CCDC18: variants seen among roughly 807,000 people sequenced by gnomAD.
CCDC18 encodes coiled-coil domain-containing protein 18.
Under a neutral mutation model 196.0 loss-of-function variants are expected in CCDC18, and 157 were observed. That is an observed-to-expected ratio of 0.80 (90% CI 0.70 to 0.91). CCDC18 has a LOEUF of 0.91. Among genes scored for constraint, CCDC18 ranks in the 40% least tolerant of loss-of-function variants. CCDC18 has a pLI of 0.00. For missense variants in CCDC18, 1,465 were observed against 1,611.6 expected, an observed-to-expected ratio of 0.91 and a Z score of 1.56; for synonymous variants, 482 against 529.2, an observed-to-expected ratio of 0.91 and a Z score of 1.22.
chr1:93,270,364 A>AT lies in CCDC18; in HGVS notation c.3905dup (p.Leu1302PhefsTer9), dbSNP rs1313161280. On this transcript the variant is annotated frameshift_variant, in exon 28 of 29. Transcript: ENST00000690025. LOFTEE classifies it high-confidence loss of function. ...ATCTGCAGGAATCAGAATTAACCAG[A>AT]TTACAGGCCAAAATTTCTGGACATG... is the stretch of plus-strand genomic sequence containing the variant. 1.2e-5 allele frequency: 18 copies of AT among 1,548,176 alleles called. No homozygotes were observed. Among genetic ancestry groups the AT allele is most frequent in the Non-Finnish European group, 1.5e-5 (17 of 1,145,432 alleles).
At chr1:93,206,085 C>A (rs575265154) in intron 8 of CCDC18, among the ~76,000 whole-genome samples, 1 of 151,744 alleles carries the variant, frequency 6.6e-6, no homozygotes, top group East Asian at 1.9e-4. Context: ...GACTCCAATG[C>A]TCTCTTTTAG....
At chr1:93,203,568 AAATT>A (rs1654207746) in intron 7 of CCDC18, among the ~76,000 whole-genome samples, 1 of 152,208 alleles carries the variant, frequency 6.6e-6, no homozygotes, top group Admixed American at 6.5e-5. Flanking sequence ...TGATTTAAAA[AAATT>A]AGAGAATCAG....
At chr1:93,233,178 T>A (rs1049213215) in intron 18 of CCDC18, among the ~76,000 whole-genome samples, 2 of 152,170 alleles carry the variant, frequency 1.3e-5, no homozygotes, top group Admixed American at 6.5e-5. Context: ...CTATAATTTT[T>A]CCTTTTTGGA....
intron 16 of CCDC18, among the ~76,000 whole-genome samples, chr1:93,223,898 T>C (rs1382029117): frequency 3.6e-5 from 3 of 82,604 alleles, no homozygotes; most frequent in African/African-American, 1.1e-4. Flanking sequence ...TTCATTTATT[T>C]ATACACACAC....
chr1:93,273,664 T>C (rs528796029), intron 28 of CCDC18: 1 of 152,312 alleles, frequency 6.6e-6, no homozygotes, highest in East Asian at 1.9e-4. Flanking sequence ...CCATCACAAA[T>C]TTCTAGAATG....
chr1:93,267,181 C>T (rs1156887203), intron 27 of CCDC18, among the ~76,000 whole-genome samples: 2 of 152,114 alleles, frequency 1.3e-5, no homozygotes, highest in Non-Finnish European at 2.9e-5. Flanking sequence ...TGAACCAAAC[C>T]AAAGACAAAA....
intron 6 of CCDC18, among the ~76,000 whole-genome samples, chr1:93,200,176 C>T (rs1160779138): frequency 1.3e-5 from 2 of 152,044 alleles, no homozygotes; most frequent in South Asian, 2.1e-4. Flanking sequence ...GATCTCACTA[C>T]GTTTCCCAGG....
At chr1:93,264,650 TTTCC>T (rs757404383) in intron 26 of CCDC18, 47 bp from the exon 27 acceptor site, 24 of 1,120,268 alleles carry the variant, frequency 2.1e-5, no homozygotes, top group African/African-American at 3.1e-5. Flanking sequence ...TCGAATCCAG[TTTCC>T]TTCCATTTTT....
intron 7 of CCDC18, among the ~76,000 whole-genome samples, chr1:93,202,596 T>C (rs1654017560): frequency 6.6e-6 from 1 of 152,108 alleles, no homozygotes; most frequent in Non-Finnish European, 1.5e-5. Context: ...GAGATAGCAA[T>C]GAAAGCAGAG....
upstream of CCDC18, chr1:93,180,065 T>C (rs765790133): frequency 6.8e-6 from 11 of 1,612,852 alleles, no homozygotes; most frequent in South Asian, 1.1e-4. Flanking sequence ...TGGTACTCGA[T>C]CTCCAGCGAG....
intron 28 of CCDC18, chr1:93,273,678 T>C (rs1665480237): frequency 6.6e-6 from 1 of 152,200 alleles, no homozygotes; most frequent in Admixed American, 6.5e-5. Context: ...TAGAATGTTC[T>C]GTAGAGGATG....
chr1:93,223,198 G>T (rs994889500), intron 16 of CCDC18, among the ~76,000 whole-genome samples: 3 of 152,160 alleles, frequency 2.0e-5, no homozygotes, highest in Non-Finnish European at 4.4e-5. Flanking sequence ...CAGTCATCTG[G>T]TGAGGTATTT....
chr1:93,210,124 A>G (rs1013822980), intron 9 of CCDC18, among the ~76,000 whole-genome samples: 5 of 152,186 alleles, frequency 3.3e-5, no homozygotes, highest in East Asian at 1.9e-4. Context: ...TGTTTCTTGT[A>G]GTGCTAAGAA....
At position 93,274,043 on chromosome 1, in the gene CCDC18, T is replaced by C. The variant is rs988745421; in HGVS notation, c.4353+3229T>C. Among the ~76,000 whole-genome samples, 5 of 152,208 alleles carry C rather than the reference T, an allele frequency of 3.3e-5. No individual in the cohort carries two copies. The South Asian group carries it at 6.2e-4, about 19-fold the overall frequency. The stretch of plus-strand genomic sequence containing the variant: ...TATATATAATCTTTACATAATTGTA[T>C]TGGTATTTTCTTCAGTATGTCTAAT... On this transcript the variant is annotated intron_variant, in intron 28 of 28. Coordinates refer to ENST00000690025, the MANE Select transcript of CCDC18 (RefSeq NM_001378204.1).
intron 18 of CCDC18, among the ~76,000 whole-genome samples, chr1:93,233,071 T>G (rs1226102165): frequency 6.6e-5 from 10 of 152,198 alleles, no homozygotes. Context: ...TAATCTGACC[T>G]CCATCTCTTA....
chr1:93,193,837 A>C (rs900978059), intron 6 of CCDC18, 93 bp downstream of exon 6: 7 of 953,188 alleles, frequency 7.3e-6, no homozygotes, highest in African/African-American at 1.8e-5. Flanking sequence ...AAGTGAAAAA[A>C]TTTCAGAGAT....
intron 17 of CCDC18, among the ~76,000 whole-genome samples, chr1:93,228,304 G>C (rs1658719587): frequency 6.6e-6 from 1 of 152,130 alleles, no homozygotes; most frequent in Admixed American, 6.5e-5. Context: ...TGGGGCAATA[G>C]AGGAGGAGCA....
chr1:93,193,687 A>G lies in CCDC18; in HGVS notation c.641A>G (p.Lys214Arg). The stretch of plus-strand genomic sequence containing the variant: ...AAGGAACAGAGTTTGCAGGAGTCCA[A>G]AGAGGAATGTATAAAATTAAAGGTG... ...IEKEQSLQES[K>R]EECIKLKVDL... Residue 214 changes from lysine to arginine, a missense_variant, in exon 6 of 29, where the codon AAA becomes AGA. Physicochemically the swap from Lys to Arg is conservative, Grantham distance 26. Coordinates refer to ENST00000690025, the MANE Select transcript of CCDC18 (RefSeq NM_001378204.1). 1 of 1,591,270 alleles carries G rather than the reference A, an allele frequency of 6.3e-7. No individual in the cohort carries two copies. The highest frequency in any genetic ancestry group is 1.4e-5 in the African/African-American group (1 of 73,458).
chr1:93,204,818 T>C (rs983964642), intron 7 of CCDC18, among the ~76,000 whole-genome samples: 1 of 152,098 alleles, frequency 6.6e-6, no homozygotes, highest in Admixed American at 6.6e-5. Flanking sequence ...AATTAGTTAA[T>C]CAGAACGCTG....
Sources: gnomAD v4.1 joint callset for allele counts (sites outside exome capture counted in the v4.1 genomes callset) on GRCh38, gnomAD v4.1.1 for gene constraint, MANE v1.5 for transcripts, NCBI Gene and HGNC (gene_info 2026-07-23, HGNC 2026-07-21) for gene names.